The following PTCD3 variants were observed in gnomAD, a reference collection of about 807,000 sequenced individuals.
PTCD3 encodes the protein pentatricopeptide repeat domain 3.
PTCD3 carries 89 observed loss-of-function variants against 101.9 expected under a neutral mutation model. That is an observed-to-expected ratio of 0.87 (90% CI 0.74 to 1.04). The LOEUF (loss-of-function observed/expected upper bound fraction) is 1.04. PTCD3 is among the 50% of genes least tolerant of loss of function. PTCD3 has a pLI of 0.00. For missense variants in PTCD3, 870 were observed against 828.2 expected (o/e 1.05, Z -0.62); for synonymous variants, 296 against 278.5 (o/e 1.06, Z -0.63).
intron 7 of PTCD3, 190 bp downstream of exon 7, chr2:86,119,234 A>G (rs1194504787): frequency 2.8e-6 from 2 of 702,446 alleles, no homozygotes; most frequent in African/African-American, 3.7e-5. Flanking sequence ...TTACAGGCGA[A>G]GTAGAATTGC....
At chr2:86,135,036 T>C in intron 21 of PTCD3, 49 bp downstream of exon 21, 2 of 1,550,078 alleles carry the variant, frequency 1.3e-6, no homozygotes, top group Non-Finnish European at 1.8e-6. Context: ...TGTATTTGAA[T>C]CTAAAACATT....
chr2:86,127,720 A>G lies in PTCD3; in HGVS notation c.1097-221A>G, dbSNP rs758667507. 9 of 551,478 alleles carry G rather than the reference A, an allele frequency of 1.6e-5. No individual in the cohort carries two copies. In the Admixed American group the frequency reaches 2.0e-4, roughly 13 times the overall value. The allele number at this position is 551,478 out of a possible 1,614,324, so 34.2% of individuals were successfully genotyped here. A position where few individuals can be genotyped will look rare whatever the true frequency, so the allele number is the denominator to read the frequency against. ...ACTGTTCTCAGTGAAGAATGTGACT[A>G]ATAAGTATTTGGACTTTCAAAAAGT... On this transcript the variant is annotated intron_variant, in intron 13 of 23. Coordinates refer to ENST00000254630, the MANE Select transcript of PTCD3 (RefSeq NM_017952.6).
At chr2:86,133,311 G>A in intron 18 of PTCD3, 35 bp from the exon 19 acceptor site, 1 of 1,612,718 alleles carries the variant, frequency 6.2e-7, no homozygotes, top group Non-Finnish European at 8.5e-7. Flanking sequence ...GGTTTCTGCA[G>A]ATTAATGCTT....
chr2:86,141,569 C>T lies in PTCD3; in HGVS notation c.*4010C>T, dbSNP rs1204619536. 1 of 152,084 alleles carries T rather than the reference C, an allele frequency of 6.6e-6. No individual in the cohort carries two copies. The highest frequency in any genetic ancestry group is 1.5e-5 in the Non-Finnish European group (1 of 68,022). The allele number at this position is 152,084 out of a possible 1,614,324, so 9.4% of individuals were successfully genotyped here. A position where few individuals can be genotyped will look rare whatever the true frequency, so the allele number is the denominator to read the frequency against. On this transcript the variant is annotated 3_prime_UTR_variant, in exon 24 of 24. Coordinates refer to ENST00000254630, the MANE Select transcript of PTCD3 (RefSeq NM_017952.6). ...GAAGGTGGTGTGCCTTAAAGACAGT[C>T]TAAAATTAGGTTTTAGTTTGTTACA... is the stretch of plus-strand genomic sequence containing the variant.
intron 1 of PTCD3, chr2:86,107,279 A>G: frequency 2.1e-6 from 1 of 468,348 alleles, no homozygotes; most frequent in Non-Finnish European, 4.4e-6. Context: ...TCTCAAAATA[A>G]CTGTGATCTC....
In PTCD3 at chr2:86,137,653, G is replaced by T; in HGVS notation, c.*94G>T. Reference sequence around the variant, plus strand: ...TACCAATATTTAACATTGTTACAAAGAAGAAAAGATACAGATTTGGTGAAT... The same window carrying T: ...TACCAATATTTAACATTGTTACAAATAAGAAAAGATACAGATTTGGTGAAT... On this transcript the variant is annotated 3_prime_UTR_variant, in exon 24 of 24. Transcript: ENST00000254630. 1 of 1,544,972 alleles carries T rather than the reference G, an allele frequency of 6.5e-7. No homozygotes were observed.
chr2:86,125,861 A>G lies in PTCD3; in HGVS notation c.932A>G (p.Glu311Gly), dbSNP rs748736643. 8.7e-6 allele frequency: 14 copies of G among 1,601,874 alleles called. No individual in the cohort carries two copies. The highest frequency in any genetic ancestry group is 1.7e-4 in the Middle Eastern group (1 of 6,044). ...TGTGCGATAAATGAGAAATTTGAGG[A>G]AAAATGGAGTAAAATACTGGTAAGG... is the stretch of plus-strand genomic sequence containing the variant. ...TVCAINEKFEEKWSKILELLR... is the reference protein window; with the variant it reads ...TVCAINEKFEGKWSKILELLR... The change falls in exon 12 of 24, where the codon GAA becomes GGA. Residue 311 changes from glutamate (E) to glycine (G), a missense_variant. Coordinates refer to ENST00000254630, the MANE Select transcript of PTCD3 (RefSeq NM_017952.6).
At position 86,125,092 on chromosome 2, in the gene PTCD3, TTTTA is replaced by T; in HGVS notation, c.804+18_804+21del. Reference sequence around the variant, plus strand: ...CCGAGGAATGGTGAAGGTACATTTGTTTTATTTATTTTTGTCTTTCATTTCCACC... The same window carrying T: ...CCGAGGAATGGTGAAGGTACATTTGTTTTATTTTTGTCTTTCATTTCCACC... On this transcript the variant is annotated intron_variant, in intron 10 of 23. Coordinates refer to ENST00000254630, the MANE Select transcript of PTCD3 (RefSeq NM_017952.6). 5.6e-6 allele frequency: 9 copies of T among 1,612,516 alleles called. No homozygotes were observed. The highest frequency in any genetic ancestry group is 7.6e-6 in the Non-Finnish European group (9 of 1,179,642).
rs755206296 is a variant in PTCD3 at position 86,125,876 on chromosome 2, T to TA, written c.948dup (p.Leu317ThrfsTer20). ...AAATTTGAGGAAAAATGGAGTAAAA[T>TA]ACTGGTAAGGAGGAATCCTCAGTTT... On this transcript the variant is annotated frameshift_variant, in exon 12 of 24. Coordinates refer to ENST00000254630, the MANE Select transcript of PTCD3 (RefSeq NM_017952.6). LOFTEE classifies it high-confidence loss of function. 1 of 1,590,332 alleles carries TA rather than the reference T, an allele frequency of 6.3e-7. No individual in the cohort carries two copies. Among genetic ancestry groups the TA allele is most frequent in the Non-Finnish European group, 8.6e-7 (1 of 1,158,714 alleles).
Position 86,125,424 on chromosome 2 carries a change from A to G in PTCD3, c.805-31A>G, listed in dbSNP as rs896287636. On this transcript the variant is annotated intron_variant, in intron 10 of 23. Coordinates refer to ENST00000254630, the MANE Select transcript of PTCD3 (RefSeq NM_017952.6). ...GTGCAAGGACTTCTTAAGTAAATGAATTTGATGATGCTTAATTTTTCCTTT... is the reference window on the plus strand; with the variant it reads ...GTGCAAGGACTTCTTAAGTAAATGAGTTTGATGATGCTTAATTTTTCCTTT... 5.6e-6 allele frequency: 9 copies of G among 1,595,034 alleles called. No individual in the cohort carries two copies. The African/African-American group carries it at 9.4e-5, about 17-fold the overall frequency.
chr2:86,134,235 A>T, intron 19 of PTCD3, 57 bp from the exon 20 acceptor site: 2 of 1,336,020 alleles, frequency 1.5e-6, no homozygotes, highest in Non-Finnish European at 1.1e-6. Flanking sequence ...GACAGTGAAC[A>T]AAAGTGTGTT....
intron 6 of PTCD3, among the ~76,000 whole-genome samples, 153 bp downstream of exon 6, chr2:86,117,312 T>C (rs1057224075): frequency 6.6e-6 from 1 of 152,230 alleles, no homozygotes. Context: ...ATCACAAGAC[T>C]AACTTTAAAA....
rs754425967 is a variant in PTCD3, at chr2:86,127,159, A to G, written c.952-2A>G. On this transcript the variant is annotated splice_acceptor_variant, in intron 12 of 23. Transcript: ENST00000254630. LOFTEE classifies it high-confidence loss of function. ...GATACTTCTTGTTTTTTATTCACCT[A>G]GGAGCTGCTAAGACACATGGTTGCA... is the stretch of plus-strand genomic sequence containing the variant. The G allele has an allele frequency of 2.5e-6, 4 of 1,609,164 alleles. No homozygotes were observed. Among genetic ancestry groups the G allele is most frequent in the Non-Finnish European group, 3.4e-6 (4 of 1,177,952 alleles).
chr2:86,114,663 G>A (rs985500672), intron 4 of PTCD3, among the ~76,000 whole-genome samples: 5 of 152,130 alleles, frequency 3.3e-5, no homozygotes, highest in African/African-American at 1.2e-4. Flanking sequence ...TCTCATTAAT[G>A]GCAACTCCAT....
chr2:86,121,477 A>G lies in PTCD3; in HGVS notation c.539-2A>G. 6.4e-7 allele frequency: 1 copy of G among 1,571,640 alleles called. No homozygotes were observed. Among genetic ancestry groups the G allele is most frequent in the Non-Finnish European group, 8.7e-7 (1 of 1,155,090 alleles). On this transcript the variant is annotated splice_acceptor_variant, in intron 7 of 23. Transcript: ENST00000254630. LOFTEE classifies it high-confidence loss of function. ...CTTTATCTTTCTGTCTCTTACCCAC[A>G]GGAACCACTGTGTCTCTTGAAACAA...
In PTCD3 at chr2:86,106,342, G is replaced by T; in HGVS notation, c.95G>T (p.Arg32Leu). The change falls in exon 1 of 24, where the codon CGC becomes CTC. Residue 32 changes from arginine (R) to leucine (L), a missense_variant. Transcript: ENST00000254630. ...CGGGCGGGTTTGTGTGAACAGGCAC[G>T]CAGCTGCAGGTAAGAGACGCTTAGG... ...GRRAGLCEQA[R>L]SCRFYSGSAT... 6.2e-7 allele frequency: 1 copy of T among 1,613,948 alleles called. No individual in the cohort carries two copies. The highest frequency in any genetic ancestry group is 1.1e-5 in the South Asian group (1 of 91,032).
chr2:86,127,705 G>A, intron 13 of PTCD3: 1 of 536,946 alleles, frequency 1.9e-6, no homozygotes, highest in South Asian at 2.4e-5. Flanking sequence ...ACTGTTCTCA[G>A]TGAAGAATGT....
In PTCD3 at chr2:86,133,237, A is replaced by T; in HGVS notation, c.1433A>T (p.Tyr478Phe). The change falls in exon 18 of 24, where the codon TAT becomes TTT. Residue 478 changes from tyrosine to phenylalanine, a missense_variant. Transcript: ENST00000254630. ...CAAATTGATGTTACCTTGAAGTGGT[A>T]TGAGGACCTGATACCTTCAGTAAGA... Reference protein sequence around the residue: ...MEQIDVTLKWYEDLIPSAYFP... With the variant: ...MEQIDVTLKWFEDLIPSAYFP... 1 of 1,614,134 alleles carries T rather than the reference A, an allele frequency of 6.2e-7. No homozygotes were observed. Among genetic ancestry groups the T allele is most frequent in the African/African-American group, 1.3e-5 (1 of 75,056 alleles).
At chr2:86,118,604 G>T (rs1236404826) in intron 6 of PTCD3, among the ~76,000 whole-genome samples, 1 of 152,212 alleles carries the variant, frequency 6.6e-6, no homozygotes, top group Non-Finnish European at 1.5e-5. Flanking sequence ...TGTATCCCCA[G>T]TGCCAAGCTT....
Sources: gnomAD v4.1 joint callset for allele counts (sites outside exome capture counted in the v4.1 genomes callset) on GRCh38, gnomAD v4.1.1 for gene constraint, MANE v1.5 for transcripts, NCBI Gene and HGNC (gene_info 2026-07-23, HGNC 2026-07-21) for gene names.